The following ADARB2 variants were observed in gnomAD, a reference collection of about 807,000 sequenced individuals.
The protein encoded by ADARB2 is inactive double-stranded RNA-specific editase B2.
A neutral mutation model predicts 62.2 loss-of-function variants in ADARB2; 25 were observed. The ratio of observed to expected loss-of-function variants is 0.40; its 90% confidence interval spans 0.29 to 0.56. The LOEUF (loss-of-function observed/expected upper bound fraction) is 0.56, where lower values mean the gene tolerates loss of function less well. ADARB2 is among the 20% of genes least tolerant of loss of function. The pLI is 0.43. For synonymous variants in ADARB2, 572 were observed against 500.8 expected, an observed-to-expected ratio of 1.14 and a Z score of -1.90; for missense variants, 1,071 against 1,077.4, an observed-to-expected ratio of 0.99 and a Z score of 0.08.
chr10:1,612,233 G>GTGCTTCTGCACCAAGCACGAATC (rs1833581617), intron 1 of ADARB2, among the ~76,000 whole-genome samples: 1 of 152,238 alleles, frequency 6.6e-6, no homozygotes, highest in Non-Finnish European at 1.5e-5. Flanking sequence ...CCGCGTCCTT[G>GTGCTTCTGCACCAAGCACGAATC]TGCTTCTGCA....
At chr10:1,405,177 C>G (rs1166347111) in intron 1 of ADARB2, among the ~76,000 whole-genome samples, 5 of 152,188 alleles carry the variant, frequency 3.3e-5, no homozygotes, top group Admixed American at 6.5e-5. Flanking sequence ...GTGCCAGATG[C>G]AGTAAGAGGC....
intron 1 of ADARB2, among the ~76,000 whole-genome samples, chr10:1,612,697 T>C (rs1358041021): frequency 6.6e-6 from 1 of 152,236 alleles, no homozygotes; most frequent in East Asian, 1.9e-4. Flanking sequence ...CTATGGCCCT[T>C]GAGCTGGATC....
At chr10:1,379,279 C>A in intron 1 of ADARB2, 119 bp from the exon 2 acceptor site, 1 of 756,906 alleles carries the variant, frequency 1.3e-6, no homozygotes, top group Non-Finnish European at 2.3e-6. Flanking sequence ...ACTTTGGTTT[C>A]AGCCATTTCA....
At chr10:1,312,569 A>C (rs544061383) in intron 3 of ADARB2, among the ~76,000 whole-genome samples, 1 of 152,154 alleles carries the variant, frequency 6.6e-6, no homozygotes, top group Non-Finnish European at 1.5e-5. Flanking sequence ...AGTTGTTTAT[A>C]ATTTCACTCC....
intron 1 of ADARB2, among the ~76,000 whole-genome samples, chr10:1,572,178 A>G (rs1001104191): frequency 2.7e-5 from 4 of 148,224 alleles, no homozygotes; most frequent in Admixed American, 2.7e-4. Flanking sequence ...TGTGCAGGCG[A>G]GTAGGCAGGT....
chr10:1,433,195 C>T (rs182056163), intron 1 of ADARB2, among the ~76,000 whole-genome samples: 5 of 152,246 alleles, frequency 3.3e-5, no homozygotes, highest in South Asian at 2.1e-4. Context: ...AGAAAGAACA[C>T]GGTGGGATAG....
At chr10:1,466,544 C>A (rs1831257679) in intron 1 of ADARB2, among the ~76,000 whole-genome samples, 2 of 152,166 alleles carry the variant, frequency 1.3e-5, no homozygotes, top group South Asian at 4.2e-4. Flanking sequence ...GGGGTGGGAA[C>A]CTCACCTAGT....
chr10:1,523,083 C>T (rs529779535), intron 1 of ADARB2, among the ~76,000 whole-genome samples: 4 of 152,292 alleles, frequency 2.6e-5, no homozygotes, highest in East Asian at 1.9e-4. Context: ...CACCGACTCA[C>T]GTTTCTATAG....
At chr10:1,693,822 T>C (rs760261983) in intron 1 of ADARB2, among the ~76,000 whole-genome samples, 1 of 152,170 alleles carries the variant, frequency 6.6e-6, no homozygotes, top group Non-Finnish European at 1.5e-5. Context: ...ATAAGAAAAA[T>C]AATGATTTAT....
chr10:1,465,294 C>A (rs1413610105), intron 1 of ADARB2, among the ~76,000 whole-genome samples: 7 of 152,148 alleles, frequency 4.6e-5, no homozygotes, highest in African/African-American at 1.7e-4. Context: ...TTTGATGGTG[C>A]TTTTCAGCCA....
intron 3 of ADARB2, among the ~76,000 whole-genome samples, chr10:1,282,489 G>A (rs1000100778): frequency 2.6e-5 from 4 of 152,194 alleles, no homozygotes; most frequent in African/African-American, 7.2e-5. Flanking sequence ...AAATGATACT[G>A]CCATTGATGA....
At chr10:1,307,403 T>C (rs1831639585) in intron 3 of ADARB2, among the ~76,000 whole-genome samples, 3 of 142,362 alleles carry the variant, frequency 2.1e-5, no homozygotes, top group Middle Eastern at 3.5e-3. Flanking sequence ...CCAGTTAGAA[T>C]GGCAATCATT....
Position 1,217,189 on chromosome 10 carries a change from G to A in ADARB2, c.1514-70C>T, listed in dbSNP as rs535926986. 1.4e-4 allele frequency: 206 copies of A among 1,426,634 alleles called. 1 individual carries two copies. The South Asian group carries it at 2.7e-3, about 19-fold the overall frequency. 88.4% of individuals were successfully genotyped at this position (1,426,634 alleles called of 1,614,324 possible). The stretch of plus-strand genomic sequence containing the variant: ...CTTGGTTTTGGGAGGTGGGAGAAGA[G>A]GAAGGACTGCAACAGAGGTCAAAGG... On this transcript the variant is annotated intron_variant, in intron 6 of 9. Coordinates refer to ENST00000381312, the MANE Select transcript of ADARB2 (RefSeq NM_018702.4).
Position 1,363,198 on chromosome 10 carries a change from C to A in ADARB2, c.907G>T (p.Ala303Ser). ...CTCACGGCCATCACGAAGCTCCGCGCGCGCCGCTCGGCCGGTTCTGCCAGA... is the reference window on the plus strand; with the variant it reads ...CTCACGGCCATCACGAAGCTCCGCGAGCGCCGCTCGGCCGGTTCTGCCAGA... ...VCLAEPAERR[A>S]RSFVMAVSVD... Residue 303 changes from alanine (A) to serine (S), a missense_variant, in exon 3 of 10, where the codon GCG (alanine) becomes TCG (serine). By Grantham distance (99) the Ala-to-Ser change is moderately conservative. Coordinates refer to ENST00000381312, the MANE Select transcript of ADARB2 (RefSeq NM_018702.4). 6.7e-7 allele frequency: 1 copy of A among 1,490,992 alleles called. No individual in the cohort carries two copies. The allele number at this position is 1,490,992 out of a possible 1,614,324, so 92.4% of individuals were successfully genotyped here. A position where few individuals can be genotyped will look rare whatever the true frequency, so the allele number is the denominator to read the frequency against.
intron 4 of ADARB2, among the ~76,000 whole-genome samples, chr10:1,258,165 G>A (rs1831098087): frequency 6.7e-6 from 1 of 149,774 alleles, no homozygotes; most frequent in Non-Finnish European, 1.5e-5. Flanking sequence ...TTTCTTTCTT[G>A]CCCTCTTTCT....
chr10:1,555,540 T>A (rs979008446), intron 1 of ADARB2, among the ~76,000 whole-genome samples: 5 of 152,124 alleles, frequency 3.3e-5, no homozygotes, highest in African/African-American at 1.2e-4. Flanking sequence ...CGTGAGTGAG[T>A]GTGCTCTTGA....
chr10:1,197,981 T>C (rs997957884), intron 8 of ADARB2, among the ~76,000 whole-genome samples: 1 of 152,222 alleles, frequency 6.6e-6, no homozygotes, highest in Non-Finnish European at 1.5e-5. Context: ...TTTGTTCATC[T>C]TACTGAATTC....
At chr10:1,609,896 G>C (rs1400843736) in intron 1 of ADARB2, among the ~76,000 whole-genome samples, 1 of 152,218 alleles carries the variant, frequency 6.6e-6, no homozygotes, top group African/African-American at 2.4e-5. Flanking sequence ...GAATAGCAGG[G>C]CGCTGACAGT....
intron 3 of ADARB2, among the ~76,000 whole-genome samples, chr10:1,277,896 C>T (rs2076556055): frequency 6.6e-6 from 1 of 152,194 alleles, no homozygotes; most frequent in Admixed American, 6.5e-5. Context: ...CATCAAGAAG[C>T]TTATCCACCG....
Sources: gnomAD v4.1 joint callset for allele counts (sites outside exome capture counted in the v4.1 genomes callset) on GRCh38, gnomAD v4.1.1 for gene constraint, MANE v1.5 for transcripts, NCBI Gene and HGNC (gene_info 2026-07-23, HGNC 2026-07-21) for gene names.